ZFHX3: variants seen among roughly 807,000 people sequenced by gnomAD.
ZFHX3 encodes the protein zinc finger homeobox 3.
Under a neutral mutation model 279.1 loss-of-function variants are expected in ZFHX3, and 42 were observed. The observed-to-expected ratio is 0.15, with a 90% CI of 0.12 to 0.19. The LOEUF (loss-of-function observed/expected upper bound fraction) is 0.19. ZFHX3 is among the 10% of genes least tolerant of loss of function. ZFHX3 has a pLI of 1.00. For missense variants in ZFHX3, 4,981 were observed against 4,754.0 expected, an observed-to-expected ratio of 1.05 and a Z score of -1.40; for synonymous variants, 2,293 against 1,957.8, an observed-to-expected ratio of 1.17 and a Z score of -4.52.
chr16:73,043,248 C>T (rs953451020), intron 1 of ZFHX3, among the ~76,000 whole-genome samples: 11 of 152,180 alleles, frequency 7.2e-5, no homozygotes, highest in African/African-American at 1.9e-4. Flanking sequence ...ACACATCAAA[C>T]CCCCCACACA....
At chr16:72,937,631 G>A (rs139491864) in intron 3 of ZFHX3, among the ~76,000 whole-genome samples, 11 of 152,146 alleles carry the variant, frequency 7.2e-5, no homozygotes, top group African/African-American at 2.4e-4. Flanking sequence ...AGTACAGGCT[G>A]CCAGCTTCAG....
chr16:73,394,795 A>C (rs1252406340), intron 3 of ZFHX3, among the ~76,000 whole-genome samples: 1 of 152,208 alleles, frequency 6.6e-6, no homozygotes, highest in Non-Finnish European at 1.5e-5. Flanking sequence ...TTTTCAGTGT[A>C]CTTCTATGTG....
intron 3 of ZFHX3, among the ~76,000 whole-genome samples, chr16:73,438,833 C>T (rs2018038959): frequency 6.6e-6 from 1 of 152,126 alleles, no homozygotes; most frequent in Admixed American, 6.5e-5. Context: ...TCCTACCTAC[C>T]TAGAGAGTGA....
rs533246786 is a variant in ZFHX3 at position 73,005,797 on chromosome 16, A to G, written c.-50+41955T>C. On this transcript the variant is annotated intron_variant, in intron 1 of 9. Transcript: ENST00000268489. ...AGAGCGAGACTCCGTCTCAAAAAAA[A>G]AAAAGGTCTTCAGCATAATGCTTGG... is the stretch of plus-strand genomic sequence containing the variant. The G allele has an allele frequency of 1.3e-5, 2 of 152,344 alleles. 1 individual carries two copies. The highest frequency in any genetic ancestry group is 4.1e-4 in the South Asian group (2 of 4,826). 9.4% of individuals were successfully genotyped at this position (152,344 alleles called of 1,614,324 possible). A position where few individuals can be genotyped will look rare whatever the true frequency, so the allele number is the denominator to read the frequency against.
chr16:73,563,406 G>T (rs931532925), intron 2 of ZFHX3, among the ~76,000 whole-genome samples: 1 of 151,758 alleles, frequency 6.6e-6, no homozygotes, highest in Admixed American at 6.6e-5. Flanking sequence ...ACAGGCACGC[G>T]CCACCATGCC....
chr16:73,285,581 A>G (rs2014575396), intron 4 of ZFHX3, among the ~76,000 whole-genome samples: 1 of 152,212 alleles, frequency 6.6e-6, no homozygotes, highest in African/African-American at 2.4e-5. Flanking sequence ...TCATGTACTA[A>G]TATTACAGAA....
In ZFHX3 at chr16:72,811,700, C is replaced by T. The variant is rs1218471435; in HGVS notation, c.3741G>A (p.Ser1247=). ...RLRVHAMTQH[S]VQPMLRCPLC... is the part of the protein sequence containing the mutation. The stretch of plus-strand genomic sequence containing the variant: ...GGGGGCAGCGAAGCATGGGTTGCAC[C>T]GAGTGCTGCGTCATGGCATGCACCC... Residue 1247 remains serine, a synonymous_variant, in exon 7 of 10, where the codon TCG becomes TCA. Coordinates refer to ENST00000268489, the MANE Select transcript of ZFHX3 (RefSeq NM_006885.4). 8.1e-6 allele frequency: 13 copies of T among 1,613,898 alleles called. No individual in the cohort carries two copies. The highest frequency in any genetic ancestry group is 3.3e-5 in the South Asian group (3 of 91,072).
intron 4 of ZFHX3, among the ~76,000 whole-genome samples, chr16:73,299,782 C>T (rs1421139750): frequency 3.3e-5 from 5 of 152,114 alleles, no homozygotes; most frequent in African/African-American, 1.2e-4. Context: ...TTGACGGAAG[C>T]AAACAAAAGG....
intron 2 of ZFHX3, among the ~76,000 whole-genome samples, chr16:73,614,854 G>C (rs1472361723): frequency 2.0e-5 from 3 of 151,934 alleles, no homozygotes; most frequent in Non-Finnish European, 4.4e-5. Flanking sequence ...CCACCTCCCA[G>C]GCTCAGATGA....
At position 72,871,816 on chromosome 16, in the gene ZFHX3, T is replaced by C. The variant is rs930666792; in HGVS notation, c.3448+17915A>G. ...TTTTTAAGGAATTGGCTGGGCGCGG[T>C]GGCTCACGCCTGTAATCCCAACACT... On this transcript the variant is annotated intron_variant, in intron 4 of 9. Transcript: ENST00000268489. Among the ~76,000 whole-genome samples, 33 of 145,488 alleles carry C rather than the reference T, an allele frequency of 2.3e-4. No homozygotes were observed. The East Asian group carries it at 2.3e-3, about 10-fold the overall frequency.
At chr16:73,795,384 C>A (rs1004680969) in intron 1 of ZFHX3, among the ~76,000 whole-genome samples, 1 of 152,126 alleles carries the variant, frequency 6.6e-6, no homozygotes, top group East Asian at 1.9e-4. Context: ...ATGTTCAGGG[C>A]CAAGACCTGA....
chr16:72,900,464 T>C (rs1217769909), intron 3 of ZFHX3, among the ~76,000 whole-genome samples: 1 of 152,242 alleles, frequency 6.6e-6, no homozygotes, highest in Non-Finnish European at 1.5e-5. Context: ...AAAGCAATTT[T>C]AAAAACCGCA....
rs527449066 is a variant in ZFHX3 at position 73,821,204 on chromosome 16, T to G, written c.-1608+70447A>C. On this transcript the variant is annotated intron_variant, in intron 1 of 17. Coordinates refer to the ZFHX3 transcript ENST00000641206. ...CTGTAAAATGTTATACTCAGGGAAT[T>G]CTATCAGAGAACTCTGTCCTGTGAC... Among the ~76,000 whole-genome samples the G allele has an allele frequency of 7.9e-4, 121 of 152,292 alleles. 1 individual carries two copies. The highest frequency in any genetic ancestry group is 3.4e-3 in the Middle Eastern group (1 of 294).
At chr16:73,356,028 C>T (rs1352181668) in intron 3 of ZFHX3, among the ~76,000 whole-genome samples, 1 of 152,168 alleles carries the variant, frequency 6.6e-6, no homozygotes, top group Non-Finnish European at 1.5e-5. Flanking sequence ...TTCCATTCTG[C>T]TTAGAATTCA....
chr16:73,875,602 A>G (rs1334325164), intron 1 of ZFHX3, among the ~76,000 whole-genome samples: 1 of 152,116 alleles, frequency 6.6e-6, no homozygotes, highest in Admixed American at 6.5e-5. Context: ...ATATACCCTG[A>G]GATTCGATAT....
At chr16:73,878,663 T>C (rs1168232692) in intron 1 of ZFHX3, among the ~76,000 whole-genome samples, 1 of 151,942 alleles carries the variant, frequency 6.6e-6, no homozygotes, top group Non-Finnish European at 1.5e-5. Context: ...TTTTGAGAGT[T>C]ACAGGTAACT....
At chr16:73,343,135 T>C (rs1234137959) in intron 3 of ZFHX3, among the ~76,000 whole-genome samples, 1 of 152,182 alleles carries the variant, frequency 6.6e-6, no homozygotes, top group African/African-American at 2.4e-5. Context: ...TTTTTTCTTT[T>C]TCTTTTTTTT....
intron 8 of ZFHX3, among the ~76,000 whole-genome samples, chr16:73,071,494 C>T (rs1427332907): frequency 6.6e-6 from 1 of 152,046 alleles, no homozygotes; most frequent in Admixed American, 6.6e-5. Flanking sequence ...CCGCCGCCGC[C>T]GCCGATACTG....
chr16:73,001,818 C>CA (rs796274085), intron 1 of ZFHX3, among the ~76,000 whole-genome samples: 2,663 of 139,926 alleles, frequency 0.019, 75 homozygotes, highest in African/African-American at 0.064. Context: ...TGAGACCCTT[C>CA]AAAAAAAAAA....
Sources: gnomAD v4.1 joint callset for allele counts (sites outside exome capture counted in the v4.1 genomes callset) on GRCh38, gnomAD v4.1.1 for gene constraint, MANE v1.5 for transcripts, NCBI Gene and HGNC (gene_info 2026-07-23, HGNC 2026-07-21) for gene names.